The following CSPP1 variants were observed in gnomAD, a reference collection of about 807,000 sequenced individuals.
CSPP1 encodes the protein centrosome and spindle pole-associated protein 1.
In CSPP1, 126 loss-of-function variants were observed where a neutral mutation model predicts 164.4. That is an observed-to-expected ratio of 0.77 (90% CI 0.66 to 0.89). The LOEUF (loss-of-function observed/expected upper bound fraction) is 0.89. Among genes scored for constraint, CSPP1 ranks in the 40% least tolerant of loss-of-function variants. CSPP1 has a pLI of 0.00. For synonymous variants in CSPP1, 472 were observed against 476.7 expected (o/e 0.99, Z 0.13); for missense variants, 1,395 against 1,449.8 (o/e 0.96, Z 0.61).
At position 67,195,790 on chromosome 8, in the gene CSPP1, G is replaced by A. The variant is rs1837825454; in HGVS notation, c.*197G>A. 3 of 551,278 alleles carry A rather than the reference G, an allele frequency of 5.4e-6. No homozygotes were observed. Among genetic ancestry groups the A allele is most frequent in the Non-Finnish European group, 9.7e-6 (3 of 308,168 alleles). 34.1% of individuals were successfully genotyped at this position (551,278 alleles called of 1,614,324 possible). On this transcript the variant is annotated 3_prime_UTR_variant, in exon 31 of 31. Coordinates refer to ENST00000678616, the MANE Select transcript of CSPP1 (RefSeq NM_001382391.1). Reference sequence around the variant, plus strand: ...GATTATTGATTTATATAATAGAATTGTATAGATTATTTTTGCACAGTTTTG... The same window carrying A: ...GATTATTGATTTATATAATAGAATTATATAGATTATTTTTGCACAGTTTTG...
At chr8:67,084,486 T>G (rs149191066) in intron 3 of CSPP1, 8 of 152,336 alleles carry the variant, frequency 5.3e-5, no homozygotes, top group African/African-American at 1.7e-4. Context: ...TCAGCTACAT[T>G]GTGAGAAATA....
In CSPP1 at chr8:67,095,441, G is replaced by C. The variant is rs193231165; in HGVS notation, c.632G>C (p.Arg211Pro). The change falls in exon 7 of 31, where the codon CGA (arginine) becomes CCA (proline). Residue 211 changes from arginine to proline, a missense_variant. Coordinates refer to ENST00000678616, the MANE Select transcript of CSPP1 (RefSeq NM_001382391.1). ...EAYEELLNQR[R>P]LEEDRYRQLD... The stretch of plus-strand genomic sequence containing the variant: ...TATGAAGAACTTCTGAACCAAAGAC[G>C]ACTAGAGGAGGACAGATACCGACAA... 6.2e-7 allele frequency: 1 copy of C among 1,613,322 alleles called. No homozygotes were observed. Among genetic ancestry groups the C allele is most frequent in the South Asian group, 1.1e-5 (1 of 90,994 alleles).
intron 9 of CSPP1, among the ~76,000 whole-genome samples, chr8:67,109,420 A>C (rs570597169): frequency 6.6e-6 from 1 of 152,226 alleles, no homozygotes; most frequent in Non-Finnish European, 1.5e-5. Flanking sequence ...TATCAGGTCC[A>C]CCTAAGATAA....
intron 6 of CSPP1, 57 bp downstream of exon 6, chr8:67,093,698 G>T: frequency 2.0e-6 from 2 of 979,726 alleles, no homozygotes; most frequent in South Asian, 1.7e-5. Flanking sequence ...TGAATATTTT[G>T]TACTTGAAAA....
Position 67,116,092 on chromosome 8 carries a change from G to C in CSPP1, c.1466G>C (p.Ser489Thr). The change falls in exon 13 of 31, where the codon AGC becomes ACC. Residue 489 changes from serine (S) to threonine (T), a missense_variant. Transcript: ENST00000678616. ...AATGAAGATTTGCGCAGTGGACTCA[G>C]CAGCGCCCTTGGTGAAATGGTGTCT... ...SQNEDLRSGL[S>T]SALGEMVSPR... 1 of 1,613,996 alleles carries C rather than the reference G, an allele frequency of 6.2e-7. No individual in the cohort carries two copies. The highest frequency in any genetic ancestry group is 1.1e-5 in the South Asian group (1 of 91,082).
chr8:67,182,704 G>A (rs541974108), intron 28 of CSPP1, among the ~76,000 whole-genome samples: 32 of 152,088 alleles, frequency 2.1e-4, no homozygotes, highest in Non-Finnish European at 4.1e-4. Flanking sequence ...ATCTCATTGT[G>A]GTTTTGACTT....
intron 7 of CSPP1, among the ~76,000 whole-genome samples, chr8:67,100,851 T>A (rs989986020): frequency 1.4e-4 from 21 of 151,668 alleles, no homozygotes; most frequent in Non-Finnish European, 2.7e-4. Flanking sequence ...CCTAGATACC[T>A]CTTTACTACA....
chr8:67,159,486 T>TTATATA (rs139631633), intron 21 of CSPP1, among the ~76,000 whole-genome samples: 3 of 141,980 alleles, frequency 2.1e-5, no homozygotes, highest in African/African-American at 5.2e-5. Context: ...TGAGAGTGGT[T>TTATATA]TATATATATA....
chr8:67,073,325 G>A (rs914905633), intron 1 of CSPP1, among the ~76,000 whole-genome samples: 1 of 152,130 alleles, frequency 6.6e-6, no homozygotes, highest in Non-Finnish European at 1.5e-5. Flanking sequence ...TGGTGAGAAT[G>A]CATAATCTAA....
At chr8:67,072,617 G>A (rs1807049998) in intron 1 of CSPP1, among the ~76,000 whole-genome samples, 1 of 151,992 alleles carries the variant, frequency 6.6e-6, no homozygotes, top group Admixed American at 6.6e-5. Context: ...GATCACTTGA[G>A]TCCAGGAATT....
chr8:67,090,696 A>T (rs898475433), intron 4 of CSPP1, among the ~76,000 whole-genome samples: 1 of 152,216 alleles, frequency 6.6e-6, no homozygotes, highest in African/African-American at 2.4e-5. Context: ...ATTTGCTTAC[A>T]TGTCTGTTTC....
At chr8:67,163,705 C>T in intron 22 of CSPP1, 27 bp from the exon 23 acceptor site, 1 of 1,557,486 alleles carries the variant, frequency 6.4e-7, no homozygotes, top group South Asian at 1.1e-5. Context: ...ACATACTGAA[C>T]ATGTCTTTGT....
At chr8:67,148,936 C>T (rs1275405433) in intron 17 of CSPP1, among the ~76,000 whole-genome samples, 4 of 152,240 alleles carry the variant, frequency 2.6e-5, no homozygotes, top group African/African-American at 9.6e-5. Context: ...GCATGATAAA[C>T]AGTTATTATC....
Position 67,161,841 on chromosome 8 carries a change from G to C in CSPP1, c.2569G>C (p.Ala857Pro). ...GAGACAGCCTTCTCCTATAGTTCCTGCTCTTCAGAACAAAATTGCAAGCAA... is the reference window on the plus strand; with the variant it reads ...GAGACAGCCTTCTCCTATAGTTCCTCCTCTTCAGAACAAAATTGCAAGCAA... Reference protein sequence around the residue: ...HMRQPSPIVPALQNKIASKLQ... With the variant: ...HMRQPSPIVPPLQNKIASKLQ... Residue 857 changes from alanine (A) to proline (P), a missense_variant, in exon 22 of 31, where the codon GCT becomes CCT. By Grantham distance (27) the Ala-to-Pro change is conservative (BLOSUM62 -1). Transcript: ENST00000678616. 6.2e-7 allele frequency: 1 copy of C among 1,613,376 alleles called. No homozygotes were observed. Among genetic ancestry groups the C allele is most frequent in the Non-Finnish European group, 8.5e-7 (1 of 1,179,752 alleles).
chr8:67,148,106 A>G (rs777221566), intron 17 of CSPP1, among the ~76,000 whole-genome samples: 1 of 151,808 alleles, frequency 6.6e-6, no homozygotes, highest in Non-Finnish European at 1.5e-5. Context: ...TTCAGTAGAA[A>G]TGGGATTTCA....
chr8:67,129,307 GAGAA>G lies in CSPP1; in HGVS notation c.1698-2637_1698-2634del, dbSNP rs141950229. ...TTAATTTCAGCAAGGCCAAAAATAAGAGAAAGAAAGGAAGGAAGGTACAAGGATT... is the reference window on the plus strand; with the variant it reads ...TTAATTTCAGCAAGGCCAAAAATAAGAGAAAGGAAGGAAGGTACAAGGATT... On this transcript the variant is annotated intron_variant, in intron 15 of 30. Coordinates refer to ENST00000678616, the MANE Select transcript of CSPP1 (RefSeq NM_001382391.1). 1.2e-3 allele frequency among the ~76,000 whole-genome samples: 179 copies of G among 152,044 alleles called. 1 individual carries two copies. Among genetic ancestry groups the G allele is most frequent in the African/African-American group, 4.2e-3 (175 of 41,486 alleles).
rs750846829 is a variant in CSPP1 at position 67,190,631 on chromosome 8, C to T, written c.3221-19C>T. On this transcript the variant is annotated intron_variant, in intron 28 of 30. Coordinates refer to ENST00000678616, the MANE Select transcript of CSPP1 (RefSeq NM_001382391.1). ...TGAAGCAGTATTAAGACTCCTTCTG[C>T]TTTTCGGGGTCCTCTTAGGGGCTTA... is the stretch of plus-strand genomic sequence containing the variant. 2.5e-5 allele frequency: 39 copies of T among 1,585,656 alleles called. No individual in the cohort carries two copies. Among genetic ancestry groups the T allele is most frequent in the Non-Finnish European group, 3.2e-5 (37 of 1,154,168 alleles).
chr8:67,076,018 C>T (rs1807830120), intron 2 of CSPP1, among the ~76,000 whole-genome samples: 1 of 151,664 alleles, frequency 6.6e-6, no homozygotes, highest in African/African-American at 2.4e-5. Context: ...AGTCTTAGTT[C>T]AAGTATCACC....
At position 67,195,701 on chromosome 8, in the gene CSPP1, C is replaced by CCAT. The variant is rs1185226032; in HGVS notation, c.*113_*115dup. Reference sequence around the variant, plus strand: ...CCCCTACCTGAAAGTTACTTTTTTTCCATCATCTGTATATAAAATTATTTT... The same window carrying CCAT: ...CCCCTACCTGAAAGTTACTTTTTTTCCATCATCATCTGTATATAAAATTATTTT... On this transcript the variant is annotated 3_prime_UTR_variant, in exon 31 of 31. Transcript: ENST00000678616. 10 of 781,244 alleles carry CCAT rather than the reference C, an allele frequency of 1.3e-5. No individual in the cohort carries two copies. Among genetic ancestry groups the CCAT allele is most frequent in the Non-Finnish European group, 1.9e-5 (9 of 477,938 alleles). 48.4% of individuals were successfully genotyped at this position (781,244 alleles called of 1,614,324 possible).
Sources: gnomAD v4.1 joint callset for allele counts (sites outside exome capture counted in the v4.1 genomes callset) on GRCh38, gnomAD v4.1.1 for gene constraint, MANE v1.5 for transcripts, NCBI Gene and HGNC (gene_info 2026-07-23, HGNC 2026-07-21) for gene names.